CEMIP: variants seen among roughly 807,000 people sequenced by gnomAD.
The protein encoded by CEMIP is cell migration-inducing and hyaluronan-binding protein.
CEMIP carries 105 observed loss-of-function variants against 156.9 expected under a neutral mutation model. The ratio of observed to expected loss-of-function variants is 0.67; its 90% CI spans 0.57 to 0.79. CEMIP has a LOEUF of 0.79. Among genes scored for constraint, CEMIP ranks in the 30% least tolerant of loss-of-function variants. The pLI, the probability that CEMIP is intolerant of heterozygous loss-of-function variation, is 0.00. For synonymous variants in CEMIP, 676 were observed against 668.4 expected (o/e 1.01, Z -0.17); for missense variants, 1,457 against 1,769.4 (o/e 0.82, Z 3.17).
chr15:80,907,529 C>T (rs1899861242), intron 13 of CEMIP, among the ~76,000 whole-genome samples: 1 of 152,236 alleles, frequency 6.6e-6, no homozygotes, highest in African/African-American at 2.4e-5. Flanking sequence ...CCACTGCACT[C>T]CAGCCTGGTG....
chr15:80,933,880 C>T (rs563843206), intron 23 of CEMIP, among the ~76,000 whole-genome samples: 1 of 152,172 alleles, frequency 6.6e-6, no homozygotes, highest in South Asian at 2.1e-4. Context: ...ATAATGCAAG[C>T]CACACATGTA....
intron 1 of CEMIP, among the ~76,000 whole-genome samples, chr15:80,867,274 G>C (rs564650147): frequency 3.7e-4 from 56 of 152,306 alleles, no homozygotes; most frequent in Non-Finnish European, 7.1e-4. Context: ...GAAAGTGCAC[G>C]CTGGAATAGG....
intron 28 of CEMIP, among the ~76,000 whole-genome samples, chr15:80,943,306 GTAGGT>G (rs1162320198): frequency 1.3e-5 from 2 of 152,252 alleles, no homozygotes; most frequent in Non-Finnish European, 2.9e-5. Context: ...TGCTGTGAAT[GTAGGT>G]CAGGCGGAGG....
At chr15:80,794,670 A>G (rs1232992191) in intron 1 of CEMIP, among the ~76,000 whole-genome samples, 1 of 152,224 alleles carries the variant, frequency 6.6e-6, no homozygotes, top group Non-Finnish European at 1.5e-5. Flanking sequence ...CAAAATTGGT[A>G]TGTATTTTCT....
At chr15:80,818,338 C>A (rs148702095) in intron 1 of CEMIP, among the ~76,000 whole-genome samples, 182 of 152,298 alleles carry the variant, frequency 1.2e-3, no homozygotes, top group Non-Finnish European at 2.0e-3. Flanking sequence ...GTCACTTCTA[C>A]TCATGTATCA....
intron 1 of CEMIP, among the ~76,000 whole-genome samples, chr15:80,855,270 C>A (rs554523833): frequency 6.6e-6 from 1 of 152,228 alleles, no homozygotes; most frequent in Non-Finnish European, 1.5e-5. Flanking sequence ...GCTTACCTCA[C>A]TCTTCCTCAA....
intron 1 of CEMIP, among the ~76,000 whole-genome samples, chr15:80,816,687 G>A (rs912815905): frequency 3.9e-5 from 6 of 152,114 alleles, no homozygotes; most frequent in African/African-American, 7.2e-5. Context: ...AACTCTTCTC[G>A]TATATGTTTG....
chr15:80,926,208 C>T (rs1041520639), intron 19 of CEMIP, among the ~76,000 whole-genome samples: 9 of 152,160 alleles, frequency 5.9e-5, no homozygotes, highest in East Asian at 1.9e-4. Flanking sequence ...CCCAAGGTCA[C>T]GCAGTTAGCT....
chr15:80,804,888 A>G (rs886961685), intron 1 of CEMIP, among the ~76,000 whole-genome samples: 1 of 152,192 alleles, frequency 6.6e-6, no homozygotes, highest in Non-Finnish European at 1.5e-5. Flanking sequence ...AAAAGCAACA[A>G]TAAGGTTTTG....
intron 1 of CEMIP, among the ~76,000 whole-genome samples, chr15:80,836,214 C>A (rs1302148665): frequency 4.6e-5 from 7 of 152,082 alleles, no homozygotes; most frequent in African/African-American, 1.7e-4. Context: ...GTTGCCCAAA[C>A]TGAAGAGTTA....
In CEMIP at chr15:80,845,470, T is replaced by C. The variant is rs148336521; in HGVS notation, c.-175-28068T>C. 3.0e-3 allele frequency among the ~76,000 whole-genome samples: 463 copies of C among 152,344 alleles called. 3 individuals are homozygous for C. Among genetic ancestry groups the C allele is most frequent in the African/African-American group, 0.011 (443 of 41,572 alleles). On this transcript the variant is annotated intron_variant, in intron 1 of 29. Coordinates refer to ENST00000394685, the MANE Select transcript of CEMIP (RefSeq NM_001293298.2). ...GAAATATATTGAGCAAATATGGTGC[T>C]ACATACAGTGTGGATGATACAGGTA...
At chr15:80,815,331 G>A (rs906116888) in intron 1 of CEMIP, among the ~76,000 whole-genome samples, 1 of 152,202 alleles carries the variant, frequency 6.6e-6, no homozygotes, top group Non-Finnish European at 1.5e-5. Context: ...GATGAGCAAC[G>A]CTCTGTCCCT....
Position 80,949,978 on chromosome 15 carries a change from G to A in CEMIP, c.*1054G>A, listed in dbSNP as rs1901747714. ...TGGCCCACTCATGATGGAGAAGTGT[G>A]GTCAGAGGGGAGCAATGGGCTTTGC... On this transcript the variant is annotated 3_prime_UTR_variant, in exon 30 of 30. Coordinates refer to ENST00000394685, the MANE Select transcript of CEMIP (RefSeq NM_001293298.2). 2 of 152,244 alleles carry A rather than the reference G, an allele frequency of 1.3e-5. No individual in the cohort carries two copies. The highest frequency in any genetic ancestry group is 4.1e-4 in the South Asian group (2 of 4,824). 9.4% of individuals were successfully genotyped at this position (152,244 alleles called of 1,614,324 possible). A position where few individuals can be genotyped will look rare whatever the true frequency, so the allele number is the denominator to read the frequency against.
intron 29 of CEMIP, chr15:80,948,063 G>C (rs1046738599): frequency 1.3e-4 from 20 of 153,550 alleles, no homozygotes; most frequent in African/African-American, 4.1e-4. Context: ...TTCCAGCCCA[G>C]TCCTGAAATC....
At chr15:80,942,847 C>A in intron 27 of CEMIP, 98 bp from the exon 28 acceptor site, 1 of 1,389,772 alleles carries the variant, frequency 7.2e-7, no homozygotes, top group Non-Finnish European at 1.0e-6. Flanking sequence ...GATGCATAGG[C>A]AACTTCTGCC....
intron 12 of CEMIP, among the ~76,000 whole-genome samples, chr15:80,905,562 G>A (rs1017682800): frequency 1.1e-4 from 16 of 152,108 alleles, no homozygotes; most frequent in Admixed American, 2.0e-4. Context: ...GTGATGGGAG[G>A]GAGAGAATGG....
intron 25 of CEMIP, 85 bp downstream of exon 25, chr15:80,938,064 A>G: frequency 9.1e-7 from 1 of 1,101,594 alleles, no homozygotes; most frequent in Admixed American, 2.0e-5. Flanking sequence ...AAGAACAGCC[A>G]TGTAGTTAAT....
chr15:80,833,063 G>A (rs779250228), intron 1 of CEMIP, among the ~76,000 whole-genome samples: 13 of 152,188 alleles, frequency 8.5e-5, no homozygotes, highest in African/African-American at 1.2e-4. Flanking sequence ...ACTCTTGGAA[G>A]TTACACTTCT....
chr15:80,937,787 A>T lies in CEMIP; in HGVS notation c.3222-7A>T, dbSNP rs774102633. The T allele has an allele frequency of 1.9e-6, 3 of 1,614,010 alleles. No homozygotes were observed. Among genetic ancestry groups the T allele is most frequent in the South Asian group, 2.2e-5 (2 of 91,078 alleles). On this transcript the variant is annotated splice_region_variant and splice_polypyrimidine_tract_variant and intron_variant, in intron 24 of 29. Coordinates refer to ENST00000394685, the MANE Select transcript of CEMIP (RefSeq NM_001293298.2). ...TGCTTGTAACCTGACTCTACTTCCA[A>T]TCCTAGGGGCGACTGGATCCGAGTG...
Sources: allele counts gnomAD v4.1 joint callset (sites outside exome capture counted in the v4.1 genomes callset), GRCh38; gene constraint gnomAD v4.1.1; transcripts MANE v1.5; gene names NCBI Gene and HGNC (gene_info 2026-07-23, HGNC 2026-07-21).